The following IBA57 variants were observed in gnomAD, a reference collection of about 807,000 sequenced individuals.
IBA57 encodes the protein iron-sulfur cluster assembly factor IBA57, mitochondrial.
Under a neutral mutation model 20.4 loss-of-function variants are expected in IBA57, and 20 were observed. The ratio of observed to expected loss-of-function variants is 0.98; its 90% CI spans 0.69 to 1.42. IBA57 has a LOEUF of 1.42. Among genes scored for constraint, IBA57 ranks in the 40% most tolerant of loss-of-function variants. The probability of loss-of-function intolerance (pLI) is 0.00; values close to 1 mark genes in which losing one functional copy is unlikely to be tolerated. For synonymous variants in IBA57, 310 were observed against 233.9 expected (o/e 1.33, Z -2.97); for missense variants, 608 against 499.3 (o/e 1.22, Z -2.07).
chr1:228,175,274 C>T lies in IBA57; in HGVS notation c.832C>T (p.Arg278Cys), dbSNP rs763778871. The change falls in exon 3 of 3, where the codon CGC becomes TGC. Residue 278 changes from arginine to cysteine, a missense_variant. Arg to Cys is a radical substitution (Grantham distance 180). Transcript: ENST00000366711. ...CCACCACATGGGCGTCATCCGCAAG[C>T]GCCTCTTCCCTGTCCGGTTCTTGGA... ...RTHHMGVIRKRLFPVRFLDPL... is the reference protein window; with the variant it reads ...RTHHMGVIRKCLFPVRFLDPL... 3.1e-6 allele frequency: 5 copies of T among 1,612,866 alleles called. No homozygotes were observed. Among genetic ancestry groups the T allele is most frequent in the Non-Finnish European group, 3.4e-6 (4 of 1,179,980 alleles).
intron 1 of IBA57, among the ~76,000 whole-genome samples, chr1:228,166,880 T>G (rs2034861068): frequency 1.3e-5 from 2 of 152,184 alleles, no homozygotes; most frequent in African/African-American, 4.8e-5. Flanking sequence ...GACCCGGTTC[T>G]TGTTCTCTTC....
Position 228,168,673 on chromosome 1 carries a change from T to A in IBA57, c.341+2516T>A, listed in dbSNP as rs146991361. Among the ~76,000 whole-genome samples, 143 of 152,240 alleles carry A rather than the reference T, an allele frequency of 9.4e-4. 2 individuals are homozygous for A. The East Asian group carries it at 0.015, about 16-fold the overall frequency. On this transcript the variant is annotated intron_variant, in intron 1 of 2. Transcript: ENST00000366711. ...GTTAATTTTCTTCACTTGTGCTGGG[T>A]GTCTGGTGTGTCCGCCACTGTTCTG...
Position 228,175,388 on chromosome 1 carries a change from AACGTGGGGCT to A in IBA57, c.947_956del (p.Asn316ArgfsTer25), listed in dbSNP as rs1316636564. ...GGGCAAGTTCAGGGCTGGCCAGGGC[AACGTGGGGCT>A]GGCCCTGCTGTGGTCAGAGAAGATC... On this transcript the variant is annotated frameshift_variant, in exon 3 of 3. Coordinates refer to ENST00000366711, the MANE Select transcript of IBA57 (RefSeq NM_001010867.4). LOFTEE classifies it low-confidence loss of function (END_TRUNC). 24 of 1,612,920 alleles carry A rather than the reference AACGTGGGGCT, an allele frequency of 1.5e-5. No individual in the cohort carries two copies. The highest frequency in any genetic ancestry group is 2.0e-5 in the Non-Finnish European group (24 of 1,179,952).
intron 1 of IBA57, among the ~76,000 whole-genome samples, chr1:228,174,178 TGTGG>T (rs2034968892): frequency 1.0e-5 from 1 of 100,374 alleles, no homozygotes; most frequent in Non-Finnish European, 1.9e-5. Flanking sequence ...CGTGGCTCGC[TGTGG>T]GCGTGGCTCG....
Position 228,166,149 on chromosome 1 carries a change from CT to C in IBA57, c.335del (p.Leu112CysfsTer139). 6.6e-7 allele frequency: 1 copy of C among 1,506,782 alleles called. No homozygotes were observed. 93.3% of individuals were successfully genotyped at this position (1,506,782 alleles called of 1,614,324 possible). A position where few individuals can be genotyped will look rare whatever the true frequency, so the allele number is the denominator to read the frequency against. ...VQGRTLYDVI[L>X]YGLQEHSEVS... ...AGGGCCGGACGCTCTATGACGTCAT[CT>C]TGTACGGGTGAGCGCGTGCTGGGAG... On this transcript the variant is annotated frameshift_variant, in exon 1 of 3. Transcript: ENST00000366711. LOFTEE classifies it high-confidence loss of function.
At chr1:228,172,719 T>G (rs990445036) in intron 1 of IBA57, 1 of 152,270 alleles carries the variant, frequency 6.6e-6, no homozygotes, top group Non-Finnish European at 1.5e-5. Context: ...CTGCACCCTG[T>G]CTTCCAGAGG....
rs1249096752 is a variant in IBA57, at chr1:228,179,340, T to G, written c.*3827T>G. ...AAGCAGATTTTAAAAAGAGAACTTG[T>G]TGAAATAAAAATAAAATACTCTAAA... On this transcript the variant is annotated 3_prime_UTR_variant, in exon 3 of 3. Transcript: ENST00000366711. The G allele has an allele frequency of 6.6e-6, 1 of 152,124 alleles. No homozygotes were observed. 9.4% of individuals were successfully genotyped at this position (152,124 alleles called of 1,614,324 possible).
At position 228,175,818 on chromosome 1, in the gene IBA57, G is replaced by T; in HGVS notation, c.*305G>T. On this transcript the variant is annotated 3_prime_UTR_variant, in exon 3 of 3. Coordinates refer to ENST00000366711, the MANE Select transcript of IBA57 (RefSeq NM_001010867.4). ...CACACAGGGTTGTCTGGGAGGACGGGACGGTGTCTCTGGCCAGCACTGGCA... is the reference window on the plus strand; with the variant it reads ...CACACAGGGTTGTCTGGGAGGACGGTACGGTGTCTCTGGCCAGCACTGGCA... 1 of 287,390 alleles carries T rather than the reference G, an allele frequency of 3.5e-6. No homozygotes were observed. The highest frequency in any genetic ancestry group is 6.5e-6 in the Non-Finnish European group (1 of 154,096). 17.8% of individuals were successfully genotyped at this position (287,390 alleles called of 1,614,324 possible).
At position 228,175,303 on chromosome 1, in the gene IBA57, C is replaced by A. The variant is rs569075955; in HGVS notation, c.861C>A (p.Pro287=). ...KRLFPVRFLD[P]LPTSGITPGA... is the part of the protein sequence containing the mutation. ...TCTTCCCTGTCCGGTTCTTGGACCC[C>A]CTTCCCACCAGTGGCATCACCCCTG... Residue 287 remains proline, a synonymous_variant, in exon 3 of 3, where the codon CCC becomes CCA. Transcript: ENST00000366711. 1 of 1,612,794 alleles carries A rather than the reference C, an allele frequency of 6.2e-7. No individual in the cohort carries two copies. The highest frequency in any genetic ancestry group is 2.2e-5 in the East Asian group (1 of 44,854).
chr1:228,180,655 T>G lies in IBA57; in HGVS notation c.*5142T>G, dbSNP rs1402555639. ...ACTCAAAATCGTAGTTGGGAGTGTT[T>G]TTTTTTTTTTTGAGACAGAGTCTCA... On this transcript the variant is annotated 3_prime_UTR_variant, in exon 3 of 3. Coordinates refer to ENST00000366711, the MANE Select transcript of IBA57 (RefSeq NM_001010867.4). 1 of 151,446 alleles carries G rather than the reference T, an allele frequency of 6.6e-6. No individual in the cohort carries two copies. The highest frequency in any genetic ancestry group is 1.5e-5 in the Non-Finnish European group (1 of 67,808). 9.4% of individuals were successfully genotyped at this position (151,446 alleles called of 1,614,324 possible).
At chr1:228,166,246 C>T in intron 1 of IBA57, 89 bp downstream of exon 1, 1 of 1,010,096 alleles carries the variant, frequency 9.9e-7, no homozygotes, top group Non-Finnish European at 1.3e-6. Context: ...GCGCCCGGGG[C>T]CTGCAGAGGG....
In IBA57 at chr1:228,170,855, G is replaced by A. The variant is rs371581622; in HGVS notation, c.342-3837G>A. Among the ~76,000 whole-genome samples, 31 of 152,294 alleles carry A rather than the reference G, an allele frequency of 2.0e-4. No homozygotes were observed. The highest frequency in any genetic ancestry group is 5.2e-4 in the Admixed American group (8 of 15,292). On this transcript the variant is annotated intron_variant, in intron 1 of 2. Coordinates refer to ENST00000366711, the MANE Select transcript of IBA57 (RefSeq NM_001010867.4). The surrounding 1 kb of genome is among the most constrained non-coding windows in gnomAD (Gnocchi z 4.8). ...GGAGGAGGGAGGAGAGAGAAGGGAA[G>A]GAGTCAGGCCGGGTCCCAGAGCAGT...
In IBA57 at chr1:228,165,943, A is replaced by G. The variant is rs2124971526; in HGVS notation, c.127A>G (p.Thr43Ala). Residue 43 changes from threonine (T) to alanine (A), a missense_variant, in exon 1 of 3, where the codon ACG becomes GCG. Thr to Ala is a moderately conservative substitution (Grantham distance 58). Transcript: ENST00000366711. ...CTCCTGCAGTCCTGGTGGCGACCCAACGGCCGGAGCGGCCTGGGCCTGCTT... is the reference window on the plus strand; with the variant it reads ...CTCCTGCAGTCCTGGTGGCGACCCAGCGGCCGGAGCGGCCTGGGCCTGCTT... ...HSSCSPGGDPTAGAAWACFRL... is the reference protein window; with the variant it reads ...HSSCSPGGDPAAGAAWACFRL... The G allele has an allele frequency of 2.0e-6, 3 of 1,502,578 alleles. No homozygotes were observed. The East Asian group carries it at 8.1e-5, about 41-fold the overall frequency. The allele number at this position is 1,502,578 out of a possible 1,614,324, so 93.1% of individuals were successfully genotyped here.
At position 228,175,136 on chromosome 1, in the gene IBA57, G is replaced by T; in HGVS notation, c.694G>T (p.Val232Phe). ...AATCCCTGCAGGCGTTCCTGAGGGG[G>T]TCCGAGACTTGCCTCCTGGGGTGGC... ...HRYLQGVPEG[V>F]RDLPPGVALP... Residue 232 changes from valine (V) to phenylalanine (F), a missense_variant, in exon 3 of 3, where the codon GTC becomes TTC. Physicochemically the swap from Val to Phe is conservative, Grantham distance 50. Transcript: ENST00000366711. 1 of 1,612,458 alleles carries T rather than the reference G, an allele frequency of 6.2e-7. No individual in the cohort carries two copies. The highest frequency in any genetic ancestry group is 8.5e-7 in the Non-Finnish European group (1 of 1,179,632).
At chr1:228,171,387 C>G (rs971563719) in intron 1 of IBA57, 6 of 152,254 alleles carry the variant, frequency 3.9e-5, no homozygotes, top group Admixed American at 3.9e-4. Context: ...GGGTCATGTC[C>G]CAGCTCAGCT....
Position 228,175,377 on chromosome 1 carries a change from C to T in IBA57, c.935C>T (p.Ala312Val), listed in dbSNP as rs778282333. 6.2e-7 allele frequency: 1 copy of T among 1,612,952 alleles called. No homozygotes were observed. The highest frequency in any genetic ancestry group is 2.2e-5 in the East Asian group (1 of 44,874). ...GGACAGACTGTGGGCAAGTTCAGGG[C>T]TGGCCAGGGCAACGTGGGGCTGGCC... is the stretch of plus-strand genomic sequence containing the variant. ...ASGQTVGKFR[A>V]GQGNVGLALL... Residue 312 changes from alanine (A) to valine (V), a missense_variant, in exon 3 of 3, where the codon GCT becomes GTT. By Grantham distance (64) the Ala-to-Val change is moderately conservative. Coordinates refer to ENST00000366711, the MANE Select transcript of IBA57 (RefSeq NM_001010867.4).
At position 228,176,972 on chromosome 1, in the gene IBA57, C is replaced by T. The variant is rs747281659; in HGVS notation, c.*1459C>T. The T allele has an allele frequency of 6.6e-6, 1 of 152,324 alleles. No individual in the cohort carries two copies. The highest frequency in any genetic ancestry group is 2.4e-5 in the African/African-American group (1 of 41,456). 9.4% of individuals were successfully genotyped at this position (152,324 alleles called of 1,614,324 possible). A position where few individuals can be genotyped will look rare whatever the true frequency, so the allele number is the denominator to read the frequency against. ...TGAGAGCCGGTGGCCTTCAGCCCCT[C>T]TTGGACAGGTCATGGTCTGGAAGCG... On this transcript the variant is annotated 3_prime_UTR_variant, in exon 3 of 3. Transcript: ENST00000366711.
chr1:228,174,940 G>A lies in IBA57; in HGVS notation c.590G>A (p.Arg197Gln), dbSNP rs1032496535. 3 of 1,577,892 alleles carry A rather than the reference G, an allele frequency of 1.9e-6. No homozygotes were observed. The highest frequency in any genetic ancestry group is 2.6e-6 in the Non-Finnish European group (3 of 1,158,918). Reference protein sequence around the residue: ...RDPRTARMGWRLLTQDEGPAL... With the variant: ...RDPRTARMGWQLLTQDEGPAL... The stretch of plus-strand genomic sequence containing the variant: ...CCGCGAACAGCACGCATGGGGTGGC[G>A]GCTCCTCACCCAGGATGAAGGCCCA... The change falls in exon 2 of 3, where the codon CGG becomes CAG. Residue 197 changes from arginine to glutamine, a missense_variant. By Grantham distance (43) the Arg-to-Gln change is conservative (BLOSUM62 1). Coordinates refer to ENST00000366711, the MANE Select transcript of IBA57 (RefSeq NM_001010867.4).
At position 228,165,805 on chromosome 1, in the gene IBA57, C is replaced by T; in HGVS notation, c.-12C>T. On this transcript the variant is annotated 5_prime_UTR_variant, in exon 1 of 3. Coordinates refer to ENST00000366711, the MANE Select transcript of IBA57 (RefSeq NM_001010867.4). ...TCCTTGGGCCCTTCCCGCTGCCCCA[C>T]TCTTGTCCAAGATGGCGACCGCGGC... The T allele has an allele frequency of 7.7e-7, 1 of 1,293,894 alleles. No individual in the cohort carries two copies. Among genetic ancestry groups the T allele is most frequent in the Non-Finnish European group, 9.8e-7 (1 of 1,024,510 alleles). 80.2% of individuals were successfully genotyped at this position (1,293,894 alleles called of 1,614,324 possible). A position where few individuals can be genotyped will look rare whatever the true frequency, so the allele number is the denominator to read the frequency against.
Sources: gnomAD v4.1 joint callset for allele counts (sites outside exome capture counted in the v4.1 genomes callset) on GRCh38, gnomAD v4.1.1 for gene constraint, Gnocchi (gnomAD v3.1) non-coding constraint, MANE v1.5 for transcripts, NCBI Gene and HGNC (gene_info 2026-07-23, HGNC 2026-07-21) for gene names.